Variants in ATP13A4 observed in about 807,000 individuals in gnomAD.
The protein encoded by ATP13A4 is probable cation-transporting ATPase 13A4.
A neutral mutation model predicts 142.5 loss-of-function variants in ATP13A4; 114 were observed. That is an observed-to-expected ratio of 0.80 (90% CI 0.69 to 0.93). ATP13A4 has a LOEUF of 0.93. ATP13A4 is among the 40% of genes least tolerant of loss of function. ATP13A4 has a pLI of 0.00. For synonymous variants in ATP13A4, 488 were observed against 514.8 expected, an observed-to-expected ratio of 0.95 and a Z score of 0.70; for missense variants, 1,392 against 1,454.0, an observed-to-expected ratio of 0.96 and a Z score of 0.69.
chr3:193,413,420 T>C (rs1455168445), intron 26 of ATP13A4, among the ~76,000 whole-genome samples: 1 of 152,274 alleles, frequency 6.6e-6, no homozygotes, highest in East Asian at 1.9e-4. Flanking sequence ...ACAGCAATTT[T>C]AGGGAACAAG....
intron 3 of ATP13A4, among the ~76,000 whole-genome samples, chr3:193,499,507 T>C (rs184133931): frequency 1.2e-3 from 183 of 152,364 alleles, no homozygotes; most frequent in Non-Finnish European, 2.1e-3. Context: ...AGGGCAGATA[T>C]TATTTTCCTC....
intron 1 of ATP13A4, among the ~76,000 whole-genome samples, chr3:193,551,240 C>A (rs1255282561): frequency 6.6e-6 from 1 of 152,012 alleles, no homozygotes; most frequent in Non-Finnish European, 1.5e-5. Context: ...GGTGAAACAC[C>A]ATCTCTTCTA....
intron 1 of ATP13A4, among the ~76,000 whole-genome samples, chr3:193,527,263 C>T (rs977844052): frequency 4.6e-5 from 7 of 152,066 alleles, no homozygotes; most frequent in African/African-American, 1.2e-4. Flanking sequence ...GACGGTTTCC[C>T]TTGTGCAATT....
At chr3:193,532,713 C>A in intron 1 of ATP13A4, among the ~76,000 whole-genome samples, 1 of 151,896 alleles carries the variant, frequency 6.6e-6, no homozygotes, top group South Asian at 2.1e-4. Flanking sequence ...AGGAGTCTAT[C>A]TTAAGGAAAT....
intron 19 of ATP13A4, 53 bp downstream of exon 19, chr3:193,442,340 C>T: frequency 2.5e-6 from 4 of 1,579,362 alleles, no homozygotes; most frequent in Non-Finnish European, 3.5e-6. Flanking sequence ...GCTCAGTCAC[C>T]AACACTGCAA....
intron 10 of ATP13A4, 106 bp downstream of exon 10, chr3:193,467,210 T>C: frequency 8.6e-7 from 1 of 1,168,766 alleles, no homozygotes; most frequent in Non-Finnish European, 1.2e-6. Context: ...TAAAAAAATA[T>C]GATTATAAAG....
At chr3:193,578,324 T>TCTATAG (rs1234481210) in intron 2 of ATP13A4, among the ~76,000 whole-genome samples, 1 of 151,666 alleles carries the variant, frequency 6.6e-6, no homozygotes, top group Non-Finnish European at 1.5e-5. Context: ...TATATCTATA[T>TCTATAG]CTATATCTAT....
intron 2 of ATP13A4, among the ~76,000 whole-genome samples, chr3:193,504,986 G>T (rs1720780710): frequency 6.6e-6 from 1 of 151,952 alleles, no homozygotes; most frequent in Non-Finnish European, 1.5e-5. Flanking sequence ...CTCCAGTGTT[G>T]GTATTATAAT....
At chr3:193,536,567 C>T (rs1326030377) in intron 1 of ATP13A4, among the ~76,000 whole-genome samples, 1 of 151,952 alleles carries the variant, frequency 6.6e-6, no homozygotes, top group East Asian at 1.9e-4. Flanking sequence ...ACTTTATTCC[C>T]CATAATATCA....
chr3:193,518,077 A>T (rs1307367169), intron 1 of ATP13A4, among the ~76,000 whole-genome samples: 1 of 152,216 alleles, frequency 6.6e-6, no homozygotes, highest in African/African-American at 2.4e-5. Context: ...AGTTATTTTC[A>T]CATAAAAATT....
chr3:193,433,736 C>G (rs554391146), intron 25 of ATP13A4, 109 bp downstream of exon 25: 2 of 787,758 alleles, frequency 2.5e-6, no homozygotes, highest in Admixed American at 1.9e-5. Context: ...AATTCCAGAT[C>G]ATTGCTGCTG....
intron 2 of ATP13A4, among the ~76,000 whole-genome samples, chr3:193,506,397 T>C (rs149504526): frequency 8.5e-5 from 13 of 152,254 alleles, no homozygotes; most frequent in African/African-American, 2.6e-4. Context: ...CCTTGAACTC[T>C]AAAAAAATAG....
rs1212387151 is a variant in ATP13A4, at chr3:193,587,914, C to A, written n.91+5107G>T. ...CTGAGGCAAGAGGATCTCTGGAGCCCAGGAGTTCAAGACAAGTCTGGGCAA... is the reference window on the plus strand; with the variant it reads ...CTGAGGCAAGAGGATCTCTGGAGCCAAGGAGTTCAAGACAAGTCTGGGCAA... On this transcript the variant is annotated intron_variant and non_coding_transcript_variant, in intron 1 of 3. Transcript: ENST00000489140. 2.6e-5 allele frequency among the ~76,000 whole-genome samples: 4 copies of A among 151,844 alleles called. No homozygotes were observed. In the East Asian group the frequency reaches 7.7e-4, roughly 29 times the overall value.
Position 193,567,936 on chromosome 3 carries a change from C to T in ATP13A4, n.291+13771G>A, listed in dbSNP as rs116702696. ...TTTGGTAAAACACAGCCACCTGAAG[C>T]ACCACCACTTTCTTTCTTTTCTTTT... On this transcript the variant is annotated intron_variant and non_coding_transcript_variant, in intron 2 of 3. Transcript: ENST00000489140. Among the ~76,000 whole-genome samples the T allele has an allele frequency of 9.4e-3, 1,423 of 152,162 alleles. 21 individuals carry two copies. The highest frequency in any genetic ancestry group is 0.032 in the African/African-American group (1,334 of 41,520).
chr3:193,527,741 C>A (rs1481002577), intron 1 of ATP13A4, among the ~76,000 whole-genome samples: 1 of 152,124 alleles, frequency 6.6e-6, no homozygotes, highest in South Asian at 2.1e-4. Context: ...CCATGTGGAG[C>A]TGTGAGTCAA....
At chr3:193,406,258 T>C (rs1045878231) in intron 29 of ATP13A4, among the ~76,000 whole-genome samples, 1 of 152,190 alleles carries the variant, frequency 6.6e-6, no homozygotes, top group Non-Finnish European at 1.5e-5. Context: ...TGTCCTGTTC[T>C]GCCACCAGCT....
At chr3:193,559,776 G>C (rs1380316934), upstream of ATP13A4, among the ~76,000 whole-genome samples, 1 of 152,142 alleles carries the variant, frequency 6.6e-6, no homozygotes, top group Non-Finnish European at 1.5e-5. Context: ...TTTCAGAAGA[G>C]TCCTCTTTGC....
intron 1 of ATP13A4, among the ~76,000 whole-genome samples, chr3:193,548,943 G>A (rs962767417): frequency 2.0e-5 from 3 of 152,130 alleles, no homozygotes; most frequent in Non-Finnish European, 4.4e-5. Context: ...GATTCTAGTT[G>A]AAAACATATA....
chr3:193,483,518 A>T (rs898604075), intron 8 of ATP13A4, among the ~76,000 whole-genome samples: 4 of 152,064 alleles, frequency 2.6e-5, no homozygotes, highest in Non-Finnish European at 4.4e-5. Flanking sequence ...AGGCTGGAGT[A>T]CAGTGGCGCG....
Sources: allele counts gnomAD v4.1 joint callset (sites outside exome capture counted in the v4.1 genomes callset), GRCh38; gene constraint gnomAD v4.1.1; transcripts MANE v1.5; gene names NCBI Gene and HGNC (gene_info 2026-07-23, HGNC 2026-07-21).